Variants in CROCC observed in about 807,000 individuals in gnomAD.
The protein encoded by CROCC is ciliary rootlet coiled-coil, rootletin.
In CROCC, 180 loss-of-function variants were observed where a neutral mutation model predicts 245.2. The observed-to-expected ratio is 0.73, with a 90% CI of 0.65 to 0.83. The LOEUF is 0.83. CROCC is among the 40% of genes least tolerant of loss of function. The probability of loss-of-function intolerance (pLI) is 0.00; values close to 1 mark genes in which losing one functional copy is unlikely to be tolerated. For synonymous variants in CROCC, 1,205 were observed against 1,241.6 expected (o/e 0.97, Z 0.62); for missense variants, 2,688 against 2,779.4 (o/e 0.97, Z 0.74).
In CROCC at chr1:16,930,511, G is replaced by A. The variant is rs749900482; in HGVS notation, c.766G>A (p.Asp256Asn). 3.7e-6 allele frequency: 6 copies of A among 1,612,498 alleles called. No individual in the cohort carries two copies. The highest frequency in any genetic ancestry group is 1.1e-5 in the South Asian group (1 of 90,944). ...CTCGGCCAACCAGGCTCTGAGTGAG[G>A]ACATACGAAAGGTGACCAATGACTG... ...AGSANQALSE[D>N]IRKVTNDWTR... is the part of the protein sequence containing the mutation. The change falls in exon 7 of 37, where the codon GAC becomes AAC. Residue 256 changes from aspartate to asparagine, a missense_variant. By Grantham distance (23) the Asp-to-Asn change is conservative. Around this residue, in one of 9 missense-constraint regions of CROCC, gnomAD observed 972 missense variants for 895.3 expected, o/e 1.09. Transcript: ENST00000375541.
chr1:16,953,626 G>T (rs1319053412), intron 21 of CROCC, 145 bp downstream of exon 21: 7 of 720,994 alleles, frequency 9.7e-6, no homozygotes, highest in Non-Finnish European at 1.6e-5. Context: ...TGCAGGAGGG[G>T]AGGATTAGAA....
chr1:16,914,104 T>A (rs1410622066), intron 1 of CROCC, among the ~76,000 whole-genome samples: 1 of 151,512 alleles, frequency 6.6e-6, no homozygotes, highest in Non-Finnish European at 1.5e-5. Context: ...CCGCTCGGCC[T>A]CGGCAGCAGC....
intron 3 of CROCC, among the ~76,000 whole-genome samples, chr1:16,928,039 C>T (rs962960084): frequency 3.9e-5 from 6 of 152,282 alleles, no homozygotes; most frequent in Non-Finnish European, 8.8e-5. Context: ...GGCACCTTCC[C>T]TACCGCTAAC....
At chr1:16,922,877 C>A in intron 2 of CROCC, 79 bp downstream of exon 2, 1 of 1,536,162 alleles carries the variant, frequency 6.5e-7, no homozygotes, top group East Asian at 2.3e-5. Flanking sequence ...GAGCAGTCAC[C>A]ATGATGATCA....
At chr1:16,929,637 A>G (rs548966643) in intron 3 of CROCC, among the ~76,000 whole-genome samples, 716 of 152,244 alleles carry the variant, frequency 4.7e-3, no homozygotes, top group Middle Eastern at 0.01. Context: ...GTGTCCATGC[A>G]TGCCCCGTCT....
intron 13 of CROCC, among the ~76,000 whole-genome samples, 163 bp downstream of exon 13, chr1:16,940,256 C>G (rs1480195038): frequency 1.3e-5 from 2 of 152,288 alleles, no homozygotes; most frequent in Non-Finnish European, 2.9e-5. Flanking sequence ...TGGAGTCTCG[C>G]CCTGTCGCCC....
chr1:16,951,175 C>T lies in CROCC; in HGVS notation c.3006+53C>T, dbSNP rs1015193275. The T allele has an allele frequency of 9.4e-6, 13 of 1,385,630 alleles. No homozygotes were observed. The Admixed American group carries it at 9.5e-5, about 10-fold the overall frequency. The allele number at this position is 1,385,630 out of a possible 1,614,324, so 85.8% of individuals were successfully genotyped here. A position where few individuals can be genotyped will look rare whatever the true frequency, so the allele number is the denominator to read the frequency against. ...GGACTCTGAGCCAGTGTTTCATCAT[C>T]GTTCTTGCTCTGCCTCGGTCTCTAC... On this transcript the variant is annotated intron_variant, in intron 20 of 36. Transcript: ENST00000375541.
intron 3 of CROCC, among the ~76,000 whole-genome samples, chr1:16,927,563 G>C (rs543853036): frequency 6.6e-6 from 1 of 152,384 alleles, no homozygotes; most frequent in East Asian, 1.9e-4. Context: ...TGCCGCCTTA[G>C]CCGTTCACGG....
upstream of CROCC, among the ~76,000 whole-genome samples, chr1:16,919,182 T>G (rs2075353701): frequency 6.6e-6 from 1 of 152,292 alleles, no homozygotes; most frequent in Admixed American, 6.5e-5. Flanking sequence ...TGATGAGCAT[T>G]TATACAGCAC....
chr1:16,919,195 T>C (rs1386272518), upstream of CROCC, among the ~76,000 whole-genome samples: 1 of 152,296 alleles, frequency 6.6e-6, no homozygotes, highest in African/African-American at 2.4e-5. Context: ...TACAGCACCG[T>C]GGCATTCTGG....
intron 26 of CROCC, 35 bp downstream of exon 26, chr1:16,958,785 C>T: frequency 1.3e-6 from 2 of 1,539,986 alleles, no homozygotes; most frequent in Non-Finnish European, 1.8e-6. Flanking sequence ...GTGCATCTTT[C>T]CTTCCCCCAG....
rs773710654 is a variant in CROCC at position 16,966,393 on chromosome 1, G to A, written c.4697-15G>A. ...TGTGCTTGGCCATGCCTGACGGGGTGGGTGGTGGCTACAGCCCGGCGCAGT... is the reference window on the plus strand; with the variant it reads ...TGTGCTTGGCCATGCCTGACGGGGTAGGTGGTGGCTACAGCCCGGCGCAGT... On this transcript the variant is annotated splice_polypyrimidine_tract_variant and intron_variant, in intron 29 of 36. Coordinates refer to ENST00000375541, the MANE Select transcript of CROCC (RefSeq NM_014675.5). The surrounding 1 kb of genome is among the most constrained non-coding windows in gnomAD (Gnocchi z 4.8). The A allele has an allele frequency of 4.0e-6, 6 of 1,511,630 alleles. No individual in the cohort carries two copies. In the African/African-American group the frequency reaches 4.2e-5, roughly 10 times the overall value. 93.6% of individuals were successfully genotyped at this position (1,511,630 alleles called of 1,614,324 possible).
At chr1:16,932,743 G>C (rs1219206467) in intron 8 of CROCC, among the ~76,000 whole-genome samples, 1 of 152,268 alleles carries the variant, frequency 6.6e-6, no homozygotes, top group Non-Finnish European at 1.5e-5. Context: ...GGGGGAGCTT[G>C]GGCCTGCCTG....
chr1:16,930,336 G>A lies in CROCC; in HGVS notation c.672G>A (p.Glu224=), dbSNP rs2075642005. 1.2e-6 allele frequency: 2 copies of A among 1,610,508 alleles called. No individual in the cohort carries two copies. The highest frequency in any genetic ancestry group is 1.3e-5 in the African/African-American group (1 of 75,020). ...AAAGCGCCCTCATCCGGCTGGAGGA[G>A]GAGCAGCAGAGGTGAGGGCGCAGCA... ...DLESALIRLE[E]EQQRSASLAQ... The change falls in exon 6 of 37, where the codon GAG becomes GAA. Residue 224 remains glutamate (E), a synonymous_variant. Coordinates refer to ENST00000375541, the MANE Select transcript of CROCC (RefSeq NM_014675.5).
At position 16,921,986 on chromosome 1, in the gene CROCC, G is replaced by T; in HGVS notation, c.-33G>T. 2.6e-6 allele frequency: 4 copies of T among 1,541,396 alleles called. No homozygotes were observed. The highest frequency in any genetic ancestry group is 2.6e-6 in the Non-Finnish European group (3 of 1,138,038). On this transcript the variant is annotated 5_prime_UTR_variant, in exon 1 of 37. The change creates a new upstream start codon in the 5' untranslated region. Coordinates refer to ENST00000375541, the MANE Select transcript of CROCC (RefSeq NM_014675.5). ...GAGCTAGTCTTGGGGTCCTGGAGAAGGGGGCTGGAGGCATGCCCACAGCCT... is the reference window on the plus strand; with the variant it reads ...GAGCTAGTCTTGGGGTCCTGGAGAATGGGGCTGGAGGCATGCCCACAGCCT...
chr1:16,954,777 C>T lies in CROCC; in HGVS notation c.3365C>T (p.Ala1122Val). The T allele has an allele frequency of 1.3e-6, 2 of 1,554,526 alleles. No individual in the cohort carries two copies. Among genetic ancestry groups the T allele is most frequent in the Non-Finnish European group, 1.7e-6 (2 of 1,149,570 alleles). ...ACGTCTGAGCTGCGGGACCTACGGG[C>T]CCAGCGGGAGGAGGCTGCTGCGGCC... ...ALTSELRDLR[A>V]QREEAAAAHA... Residue 1122 changes from alanine to valine, a missense_variant, in exon 23 of 37, where the codon GCC becomes GTC. Ala to Val is a moderately conservative substitution (Grantham distance 64). Coordinates refer to ENST00000375541, the MANE Select transcript of CROCC (RefSeq NM_014675.5). This position sits in a 1 kb window ranked among gnomAD's most constrained non-coding sequence, Gnocchi z 4.4.
upstream of CROCC, among the ~76,000 whole-genome samples, chr1:16,921,623 C>A (rs1295986994): frequency 6.6e-6 from 1 of 152,286 alleles, no homozygotes; most frequent in African/African-American, 2.4e-5. Context: ...GGCTACTGAC[C>A]CCACCCCCTG....
intron 26 of CROCC, 151 bp from the exon 27 acceptor site, chr1:16,960,607 T>C (rs2076314615): frequency 9.0e-7 from 1 of 1,111,080 alleles, no homozygotes; most frequent in Admixed American, 4.2e-5. Flanking sequence ...CGGGGATGTT[T>C]TTGCACCGCC....
At position 16,967,199 on chromosome 1, in the gene CROCC, G is replaced by T. The variant is rs1246082437; in HGVS notation, c.4860+628G>T. The stretch of plus-strand genomic sequence containing the variant: ...TGACACACACAGGCTCTTATCACAG[G>T]TGGTACTCAGGGGGCCTCTGTTTTA... On this transcript the variant is annotated intron_variant, in intron 30 of 36. Coordinates refer to ENST00000375541, the MANE Select transcript of CROCC (RefSeq NM_014675.5). Among the ~76,000 whole-genome samples the T allele has an allele frequency of 2.6e-5, 4 of 152,186 alleles. No individual in the cohort carries two copies. In the East Asian group the frequency reaches 5.8e-4, roughly 22 times the overall value.
Sources: allele counts gnomAD v4.1 joint callset (sites outside exome capture counted in the v4.1 genomes callset), GRCh38; gene constraint gnomAD v4.1.1; regional missense constraint gnomAD v4.1.1; non-coding constraint Gnocchi (gnomAD v3.1); transcripts MANE v1.5; gene names NCBI Gene and HGNC (gene_info 2026-07-23, HGNC 2026-07-21).